The following CHL1 variants were observed in gnomAD, a reference collection of about 807,000 sequenced individuals.
CHL1 encodes the protein cell adhesion molecule L1 like.
CHL1 carries 96 observed loss-of-function variants against 141.9 expected under a neutral mutation model. The observed-to-expected ratio is 0.68, with a 90% CI of 0.57 to 0.80. CHL1 has a LOEUF of 0.80. CHL1 is among the 30% of genes least tolerant of loss of function. The pLI is 0.00. For missense variants in CHL1, 1,820 were observed against 1,457.2 expected, an observed-to-expected ratio of 1.25 and a Z score of -4.05; for synonymous variants, 613 against 502.2, an observed-to-expected ratio of 1.22 and a Z score of -2.95.
At chr3:242,476 G>A (rs1159634915) in intron 1 of CHL1, among the ~76,000 whole-genome samples, 11 of 150,982 alleles carry the variant, frequency 7.3e-5, no homozygotes, top group South Asian at 2.1e-4. Context: ...GGCGCCTGTA[G>A]TCCCAGCTAC....
chr3:230,441 AGACT>A (rs2125037216), intron 1 of CHL1, among the ~76,000 whole-genome samples: 1 of 152,322 alleles, frequency 6.6e-6, no homozygotes, highest in Admixed American at 6.5e-5. Context: ...TTCTAGTGAA[AGACT>A]GACTTTGTTT....
intron 1 of CHL1, among the ~76,000 whole-genome samples, chr3:221,454 G>C (rs1484095826): frequency 6.6e-6 from 1 of 152,186 alleles, no homozygotes; most frequent in African/African-American, 2.4e-5. Context: ...CTATTAGAGT[G>C]TTTATGTGTA....
chr3:292,549 T>C (rs1002594086), intron 2 of CHL1, among the ~76,000 whole-genome samples: 19 of 152,268 alleles, frequency 1.2e-4, no homozygotes, highest in South Asian at 4.1e-4. Context: ...GTAAATCTTA[T>C]TGGGGGCAAA....
chr3:306,459 C>T (rs903821814), intron 2 of CHL1, among the ~76,000 whole-genome samples: 6 of 152,102 alleles, frequency 3.9e-5, no homozygotes, highest in African/African-American at 1.4e-4. Flanking sequence ...ATTTAAACAA[C>T]CACTGGGATG....
At chr3:296,449 T>C (rs1698194193) in intron 2 of CHL1, among the ~76,000 whole-genome samples, 2 of 151,880 alleles carry the variant, frequency 1.3e-5, no homozygotes, top group Non-Finnish European at 2.9e-5. Context: ...TTTTCTTCCC[T>C]TTGTAATCAC....
intron 11 of CHL1, among the ~76,000 whole-genome samples, chr3:356,791 G>C (rs762135677): frequency 3.9e-5 from 6 of 152,204 alleles, no homozygotes; most frequent in Non-Finnish European, 5.9e-5. Flanking sequence ...TAGGCCACCA[G>C]ATCCGCCAGC....
intron 2 of CHL1, among the ~76,000 whole-genome samples, chr3:296,339 C>T (rs1698183241): frequency 6.6e-6 from 1 of 152,150 alleles, no homozygotes; most frequent in African/African-American, 2.4e-5. Context: ...ATGGAATTTA[C>T]TATTTTATAT....
At chr3:218,806 C>T (rs1331845199) in intron 1 of CHL1, among the ~76,000 whole-genome samples, 1 of 151,896 alleles carries the variant, frequency 6.6e-6, no homozygotes, top group African/African-American at 2.4e-5. Context: ...AAATCAAAAC[C>T]ACAATGAGAT....
intron 1 of CHL1, among the ~76,000 whole-genome samples, chr3:233,948 C>G (rs1443039060): frequency 1.3e-5 from 2 of 151,866 alleles, no homozygotes; most frequent in Non-Finnish European, 2.9e-5. Context: ...TCTGGGCATA[C>G]TGGCCAAATG....
At chr3:268,606 T>C (rs892752139) in intron 2 of CHL1, among the ~76,000 whole-genome samples, 1 of 152,086 alleles carries the variant, frequency 6.6e-6, no homozygotes. Context: ...TCAGTACACA[T>C]TTTGGATTAG....
Position 366,108 on chromosome 3 carries a change from G to T in CHL1, c.1744G>T (p.Asp582Tyr). ...GEAFEINGTE[D>Y]GRIIIDGANL... ...AGCCTTTGAAATTAATGGCACAGAA[G>T]ATGGCAGGTAGGTAAACTATTATGA... Residue 582 changes from aspartate to tyrosine, a missense_variant, in exon 15 of 28, where the codon GAT (aspartate) becomes TAT (tyrosine). Coordinates refer to ENST00000256509, the MANE Select transcript of CHL1 (RefSeq NM_006614.4). The T allele has an allele frequency of 1.2e-6, 2 of 1,613,392 alleles. No homozygotes were observed. Among genetic ancestry groups the T allele is most frequent in the Non-Finnish European group, 8.5e-7 (1 of 1,179,636 alleles).
chr3:391,564 A>T, intron 22 of CHL1, 111 bp from the exon 23 acceptor site: 1 of 714,486 alleles, frequency 1.4e-6, no homozygotes, highest in Non-Finnish European at 2.3e-6. Context: ...GTTAATTAAT[A>T]TTTACTTCAG....
At chr3:257,673 C>T (rs548160385) in intron 2 of CHL1, among the ~76,000 whole-genome samples, 26 of 152,156 alleles carry the variant, frequency 1.7e-4, no homozygotes, top group African/African-American at 6.3e-4. Context: ...AAAGAGACAG[C>T]AAACCTCAAA....
chr3:291,423 A>G (rs1697683411), intron 2 of CHL1, among the ~76,000 whole-genome samples: 2 of 149,042 alleles, frequency 1.3e-5, no homozygotes. Context: ...TTTTAGTTTT[A>G]TTTTTTCTTT....
chr3:246,394 G>C (rs1693176868), intron 2 of CHL1, among the ~76,000 whole-genome samples: 1 of 151,944 alleles, frequency 6.6e-6, no homozygotes, highest in Non-Finnish European at 1.5e-5. Flanking sequence ...CTTGGTGATT[G>C]ATGAAATCAT....
intron 5 of CHL1, among the ~76,000 whole-genome samples, chr3:331,806 G>A (rs1001043313): frequency 6.6e-6 from 1 of 152,108 alleles, no homozygotes; most frequent in African/African-American, 2.4e-5. Context: ...AGACTGGAGG[G>A]CCAATAAAAA....
In CHL1 at chr3:390,093, G is replaced by A. The variant is rs60921148; in HGVS notation, c.2471-608G>A. 7.2e-3 allele frequency among the ~76,000 whole-genome samples: 1,096 copies of A among 152,196 alleles called. 12 individuals carry two copies. Among genetic ancestry groups the A allele is most frequent in the African/African-American group, 0.025 (1,039 of 41,514 alleles). On this transcript the variant is annotated intron_variant, in intron 20 of 27. Transcript: ENST00000256509. The stretch of plus-strand genomic sequence containing the variant: ...ATAATTTGATCCAAAAATAGAAAAG[G>A]TTCAGAATGAGAAATAGCCAACTCA...
intron 2 of CHL1, among the ~76,000 whole-genome samples, chr3:256,055 G>A (rs1372090010): frequency 6.7e-6 from 1 of 149,928 alleles, no homozygotes; most frequent in Non-Finnish European, 1.5e-5. Flanking sequence ...ATTATCTACA[G>A]CATCTATCAA....
intron 8 of CHL1, among the ~76,000 whole-genome samples, chr3:343,333 T>A (rs541203194): frequency 4.5e-4 from 68 of 152,298 alleles, no homozygotes; most frequent in African/African-American, 1.6e-3. Flanking sequence ...TTATGGTATA[T>A]AAGGTTGATA....
Sources: gnomAD v4.1 joint callset for allele counts (sites outside exome capture counted in the v4.1 genomes callset) on GRCh38, gnomAD v4.1.1 for gene constraint, MANE v1.5 for transcripts, NCBI Gene and HGNC (gene_info 2026-07-23, HGNC 2026-07-21) for gene names.